The following KCNAB2 variants were observed in gnomAD, a reference collection of about 807,000 sequenced individuals.
KCNAB2 encodes voltage-gated potassium channel subunit beta-2.
A neutral mutation model predicts 63.6 loss-of-function variants in KCNAB2; 29 were observed. That is an observed-to-expected ratio of 0.46 (90% CI 0.34 to 0.62). The LOEUF (loss-of-function observed/expected upper bound fraction) is 0.62. KCNAB2 is among the 20% of genes least tolerant of loss of function. KCNAB2 has a pLI of 0.01. For missense variants in KCNAB2, 359 were observed against 563.9 expected, an observed-to-expected ratio of 0.64 and a Z score of 3.68; for synonymous variants, 222 against 224.2, an observed-to-expected ratio of 0.99 and a Z score of 0.09.
At chr1:6,006,916 A>AC (rs959126407) in intron 1 of KCNAB2, among the ~76,000 whole-genome samples, 2 of 151,984 alleles carry the variant, frequency 1.3e-5, no homozygotes, top group African/African-American at 4.8e-5. Context: ...GAGGGATCAG[A>AC]CAGCAGCCTG....
intron 2 of KCNAB2, among the ~76,000 whole-genome samples, chr1:6,059,590 G>A (rs1204355995): frequency 6.6e-6 from 1 of 152,158 alleles, no homozygotes; most frequent in Non-Finnish European, 1.5e-5. Flanking sequence ...CACCACCCAT[G>A]TGCTGGCGCC....
chr1:6,034,192 A>G (rs913489947), upstream of KCNAB2: 1 of 152,328 alleles, frequency 6.6e-6, no homozygotes, highest in Non-Finnish European at 1.5e-5. Flanking sequence ...GCTCCTTGGC[A>G]GATGCAGTCG....
rs1292223960 is a variant in KCNAB2 at position 6,087,962 on chromosome 1, G to A, written c.470+451G>A. 6.6e-6 allele frequency among the ~76,000 whole-genome samples: 1 copy of A among 152,194 alleles called. No homozygotes were observed. The highest frequency in any genetic ancestry group is 2.4e-5 in the African/African-American group (1 of 41,458). ...GCCTGTCACCCCTGCAGGTCTCCAAGTGTCTAGCTCCATAGTTTCTGGGCT... is the reference window on the plus strand; with the variant it reads ...GCCTGTCACCCCTGCAGGTCTCCAAATGTCTAGCTCCATAGTTTCTGGGCT... On this transcript the variant is annotated intron_variant, in intron 7 of 15. Transcript: ENST00000378083. This position sits in a 1 kb window ranked among gnomAD's most constrained non-coding sequence, Gnocchi z 6.4.
At position 6,098,738 on chromosome 1, in the gene KCNAB2, ACC is replaced by A. The variant is rs1357972438; in HGVS notation, c.*166_*167del. The A allele has an allele frequency of 5.9e-6, 5 of 843,924 alleles. No homozygotes were observed. Among genetic ancestry groups the A allele is most frequent in the African/African-American group, 1.7e-5 (1 of 58,018 alleles). The allele number at this position is 843,924 out of a possible 1,614,324, so 52.3% of individuals were successfully genotyped here. The stretch of plus-strand genomic sequence containing the variant: ...ATCTCCCAAGTCGCTGCCAGACACC[ACC>A]CACTGCTTCGCCGGACAATGTCGAA... On this transcript the variant is annotated 3_prime_UTR_variant, in exon 16 of 16. Coordinates refer to ENST00000378083, the MANE Select transcript of KCNAB2 (RefSeq NM_001199862.2).
chr1:6,056,810 C>T (rs1360492612), intron 2 of KCNAB2, among the ~76,000 whole-genome samples: 3 of 152,168 alleles, frequency 2.0e-5, no homozygotes, highest in South Asian at 2.1e-4. Context: ...CCTCCCCAGA[C>T]GTGGCCTGGT....
chr1:6,025,828 GCAGCCCACCCCAGCACA>G (rs1395089737), intron 1 of KCNAB2, among the ~76,000 whole-genome samples: 26 of 152,032 alleles, frequency 1.7e-4, no homozygotes, highest in African/African-American at 5.1e-4. Flanking sequence ...TAAAAGGTGG[GCAGCCCACCCCAGCACA>G]CAGCCGATCC....
rs568698088 is a variant in KCNAB2, at chr1:6,068,112, A to C, written c.219-4643A>C. 2.4e-3 allele frequency among the ~76,000 whole-genome samples: 370 copies of C among 152,334 alleles called. 3 individuals carry two copies. The highest frequency in any genetic ancestry group is 2.2e-3 in the Non-Finnish European group (152 of 68,026). On this transcript the variant is annotated intron_variant, in intron 2 of 15. Transcript: ENST00000378083. Reference sequence around the variant, plus strand: ...ATACCTATTGCCTTCTGCAACTTTTATGTCAGTCCTAGGATCTCAAAGGAG... The same window carrying C: ...ATACCTATTGCCTTCTGCAACTTTTCTGTCAGTCCTAGGATCTCAAAGGAG...
intron 1 of KCNAB2, among the ~76,000 whole-genome samples, chr1:6,037,180 C>CTA (rs896342418): frequency 2.0e-5 from 3 of 152,316 alleles, no homozygotes; most frequent in African/African-American, 7.2e-5. Flanking sequence ...GACCCCCACC[C>CTA]TATGTTCATG....
rs1659024548 is a variant in KCNAB2 at position 6,024,498 on chromosome 1, A to G, written c.-52-16019A>G. ...AAAGAGTTGGCAAATATCTGAAAAT[A>G]CAATTTATTTTTAAGAGCCAGGAAT... On this transcript the variant is annotated intron_variant, in intron 1 of 16. Transcript: ENST00000341524. This position sits in a 1 kb window ranked among gnomAD's most constrained non-coding sequence, Gnocchi z 5.4. Among the ~76,000 whole-genome samples the G allele has an allele frequency of 6.6e-6, 1 of 152,220 alleles. No homozygotes were observed. The highest frequency in any genetic ancestry group is 2.4e-5 in the African/African-American group (1 of 41,470).
intron 7 of KCNAB2, 67 bp from the exon 8 acceptor site, chr1:6,088,941 G>GT: frequency 2.1e-6 from 3 of 1,463,040 alleles, no homozygotes; most frequent in Non-Finnish European, 2.8e-6. Flanking sequence ...CATCGTAAAC[G>GT]TTTTTTGGGA....
chr1:6,065,747 G>C (rs1295525906), intron 2 of KCNAB2, among the ~76,000 whole-genome samples: 4 of 152,168 alleles, frequency 2.6e-5, no homozygotes, highest in African/African-American at 9.7e-5. Flanking sequence ...CTGGTTGAGG[G>C]TGGGGACAGA....
At chr1:6,037,067 T>C (rs976326277) in intron 1 of KCNAB2, among the ~76,000 whole-genome samples, 6 of 152,128 alleles carry the variant, frequency 3.9e-5, no homozygotes, top group African/African-American at 1.4e-4. Context: ...CTGCTTAGAC[T>C]CCTGGCCCTC....
chr1:6,051,876 G>T (rs1661426841), intron 2 of KCNAB2, 122 bp downstream of exon 2: 1 of 1,168,920 alleles, frequency 8.6e-7, no homozygotes, highest in Admixed American at 2.8e-5. Context: ...GGCAGAGGCG[G>T]GTGGATCACC....
chr1:6,090,232 G>A (rs1281126571), intron 8 of KCNAB2, among the ~76,000 whole-genome samples, 157 bp from the exon 9 acceptor site: 1 of 151,960 alleles, frequency 6.6e-6, no homozygotes, highest in Non-Finnish European at 1.5e-5. Context: ...CCCCACCTCT[G>A]CCGTGGCATT....
chr1:6,091,798 C>T (rs576878477), intron 10 of KCNAB2, among the ~76,000 whole-genome samples: 4 of 152,312 alleles, frequency 2.6e-5, no homozygotes, highest in Non-Finnish European at 4.4e-5. Flanking sequence ...TGGCTTGTCA[C>T]GCTGCCCCGT....
At chr1:6,010,333 A>C (rs1431395056) in intron 1 of KCNAB2, among the ~76,000 whole-genome samples, 2 of 152,112 alleles carry the variant, frequency 1.3e-5, no homozygotes, top group East Asian at 3.8e-4. Flanking sequence ...GGTGGCTCAC[A>C]CCTGTAGTCC....
At chr1:6,001,717 G>A (rs575290751) in intron 1 of KCNAB2, among the ~76,000 whole-genome samples, 51 of 152,252 alleles carry the variant, frequency 3.3e-4, no homozygotes, top group Non-Finnish European at 6.2e-4. Context: ...AACGCAGCCC[G>A]GAACACACAG....
chr1:6,076,679 G>A (rs536934284), intron 4 of KCNAB2, among the ~76,000 whole-genome samples: 2 of 152,230 alleles, frequency 1.3e-5, no homozygotes, highest in East Asian at 1.9e-4. Flanking sequence ...CAACGCTTGC[G>A]GCCAGTGCTC....
intron 2 of KCNAB2, among the ~76,000 whole-genome samples, chr1:6,062,087 C>T (rs1320357852): frequency 6.6e-6 from 1 of 151,746 alleles, no homozygotes; most frequent in Non-Finnish European, 1.5e-5. Flanking sequence ...CCAAGGCAGG[C>T]GGATCGCCTG....
Sources: gnomAD v4.1 joint callset for allele counts (sites outside exome capture counted in the v4.1 genomes callset) on GRCh38, gnomAD v4.1.1 for gene constraint, Gnocchi (gnomAD v3.1) non-coding constraint, MANE v1.5 for transcripts, NCBI Gene and HGNC (gene_info 2026-07-23, HGNC 2026-07-21) for gene names.